LINC00632: variants seen among roughly 807,000 people sequenced by gnomAD.
The protein encoded by LINC00632 is ALDOA related specific transcript.
At chrX:140,761,624 C>A (rs981133851) in intron 3 of LINC00632, among the ~76,000 whole-genome samples, 5 of 112,973 alleles carry the variant, frequency 4.4e-5, no homozygotes, top group African/African-American at 1.6e-4. Context: ...AGCAGGCATT[C>A]TGCCAGGAGT....
chrX:140,713,938 ACCCCAT>A (rs1930572014), intron 2 of LINC00632: 1 of 262,739 alleles, frequency 3.8e-6, no homozygotes. Flanking sequence ...ATACAGACTT[ACCCCAT>A]AGAACACGGC....
intron 3 of LINC00632, among the ~76,000 whole-genome samples, chrX:140,769,757 T>C (rs1463174184): frequency 9.1e-6 from 1 of 110,413 alleles, no homozygotes; most frequent in Non-Finnish European, 1.9e-5. Context: ...ATTCCACGCG[T>C]ACCCAGCAAT....
At chrX:140,785,184 T>TATAATATAATA (rs1556030719) in exon 5 of LINC00632, among the ~76,000 whole-genome samples, 62 of 104,795 alleles carry the variant, frequency 5.9e-4, no homozygotes, top group African/African-American at 1.8e-3. Context: ...ATAATAATAA[T>TATAATATAATA]ATAATAATAA....
exon 5 of LINC00632, among the ~76,000 whole-genome samples, chrX:140,778,952 G>C (rs994955227): frequency 1.6e-4 from 18 of 112,027 alleles, no homozygotes; most frequent in African/African-American, 5.5e-4. Flanking sequence ...GAGAGTCAAA[G>C]AACATTTTAC....
intron 2 of LINC00632, among the ~76,000 whole-genome samples, chrX:140,725,400 C>T (rs186539705): frequency 2.3e-4 from 24 of 104,685 alleles, no homozygotes; most frequent in African/African-American, 8.2e-4. Context: ...ACATTCCATA[C>T]ACTTACGCAG....
chrX:140,742,948 C>T (rs1013039323), intron 3 of LINC00632, among the ~76,000 whole-genome samples: 13 of 107,088 alleles, frequency 1.2e-4, no homozygotes, highest in African/African-American at 4.1e-4. Flanking sequence ...AGTGGCCAGG[C>T]GCGTATTGGC....
At position 140,715,000 on chromosome X, in the gene LINC00632, C is replaced by T. The variant is rs778601108; in HGVS notation, n.104+3344C>T. ...CAAAATACAACTCAAACTCCTCAGA[C>T]ACACTCTGATAAATAGACATACCTG... On this transcript the variant is annotated intron_variant and non_coding_transcript_variant, in intron 2 of 4. Coordinates refer to ENST00000648200, the Ensembl canonical transcript of LINC00632. Among the ~76,000 whole-genome samples, 126 of 111,189 alleles carry T rather than the reference C, an allele frequency of 1.1e-3. 1 individual carries two copies. Among genetic ancestry groups the T allele is most frequent in the Non-Finnish European group, 1.5e-3 (81 of 53,043 alleles).
exon 5 of LINC00632, among the ~76,000 whole-genome samples, chrX:140,785,754 A>G (rs1301797578): frequency 8.9e-6 from 1 of 112,070 alleles, no homozygotes; most frequent in Admixed American, 9.5e-5. Context: ...CTTCAGAATC[A>G]TATTCATAGC....
chrX:140,753,752 TTTTC>T (rs1240322426), intron 3 of LINC00632, among the ~76,000 whole-genome samples: 44 of 104,245 alleles, frequency 4.2e-4, no homozygotes, highest in Non-Finnish European at 5.2e-4. Flanking sequence ...ATTTCTTTTC[TTTTC>T]TTTCTTTCTT....
At chrX:140,712,795 C>T (rs1267607712) in intron 2 of LINC00632, among the ~76,000 whole-genome samples, 1 of 107,066 alleles carries the variant, frequency 9.3e-6, no homozygotes, top group Non-Finnish European at 1.9e-5. Context: ...GGGCCCCCAA[C>T]GAAGCTTTCT....
chrX:140,730,904 C>CTT (rs755801923), intron 2 of LINC00632, among the ~76,000 whole-genome samples: 1 of 109,988 alleles, frequency 9.1e-6, no homozygotes, highest in African/African-American at 3.3e-5. Context: ...TTCTTTCTTT[C>CTT]TTTCTTTTTT....
At chrX:140,741,431 C>A (rs7058855) in intron 3 of LINC00632, among the ~76,000 whole-genome samples, 5 of 111,622 alleles carry the variant, frequency 4.5e-5, no homozygotes, top group African/African-American at 1.6e-4. Context: ...GGTTGAGGCA[C>A]CTGGATGCAA....
chrX:140,727,435 GT>G (rs1249479534), intron 2 of LINC00632, among the ~76,000 whole-genome samples: 2 of 111,052 alleles, frequency 1.8e-5, no homozygotes, highest in Admixed American at 9.6e-5. Flanking sequence ...GGGATTACAG[GT>G]GCCCGCCACT....
rs184564627 is a variant in LINC00632 at position 140,789,635 on chromosome X, T to C, written n.17654T>C. On this transcript the variant is annotated non_coding_transcript_exon_variant, in exon 5 of 5. Coordinates refer to ENST00000648200, the Ensembl canonical transcript of LINC00632. The stretch of plus-strand genomic sequence containing the variant: ...ATGCTGAATGCTATTATTTTTGACT[T>C]TTGTCAGTATTTTGGATGGAAAATC... Among the ~76,000 whole-genome samples, 5 of 112,277 alleles carry C rather than the reference T, an allele frequency of 4.5e-5. No individual in the cohort carries two copies. In the East Asian group the frequency reaches 1.4e-3, roughly 31 times the overall value.
intron 1 of LINC00632, among the ~76,000 whole-genome samples, chrX:140,711,227 T>G (rs1465522155): frequency 9.0e-6 from 1 of 111,513 alleles, no homozygotes; most frequent in African/African-American, 3.3e-5. Flanking sequence ...TTGTAGTAAA[T>G]TTTGAATAAT....
At chrX:140,786,509 A>G (rs920772780) in exon 5 of LINC00632, among the ~76,000 whole-genome samples, 6 of 111,631 alleles carry the variant, frequency 5.4e-5, no homozygotes, top group Non-Finnish European at 7.5e-5. Flanking sequence ...GATTTTTTGT[A>G]TATCAGTTTT....
chrX:140,741,069 C>G (rs949919980), intron 3 of LINC00632, among the ~76,000 whole-genome samples: 5 of 111,876 alleles, frequency 4.5e-5, no homozygotes, highest in African/African-American at 1.6e-4. Flanking sequence ...TTCTGTGTTT[C>G]TAGTTTCTCA....
At chrX:140,771,670 T>C (rs1281334666) in intron 3 of LINC00632, among the ~76,000 whole-genome samples, 1 of 27,496 alleles carries the variant, frequency 3.6e-5, no homozygotes, top group African/African-American at 1.6e-4. Context: ...TGTGTGTATA[T>C]ATATATATAT....
intron 2 of LINC00632, among the ~76,000 whole-genome samples, chrX:140,729,979 C>T (rs1470569458): frequency 1.9e-5 from 2 of 106,134 alleles, no homozygotes; most frequent in East Asian, 6.0e-4. Context: ...CGGGTTCAAG[C>T]GATTCTCCTG....
Sources: allele counts gnomAD v4.1 joint callset (sites outside exome capture counted in the v4.1 genomes callset), GRCh38; gene constraint gnomAD v4.1.1; transcripts MANE v1.5; gene names NCBI Gene and HGNC (gene_info 2026-07-23, HGNC 2026-07-21).